GSKIP: variants seen among roughly 807,000 people sequenced by gnomAD.
The protein encoded by GSKIP is GSK3B interacting protein.
GSKIP carries 5 observed loss-of-function variants against 11.9 expected under a neutral mutation model. The observed-to-expected ratio is 0.42, with a 90% CI of 0.22 to 0.89. The LOEUF is 0.89. Among genes scored for constraint, GSKIP ranks in the 40% least tolerant of loss-of-function variants. The pLI is 0.29. For missense variants in GSKIP, 150 were observed against 166.6 expected, an observed-to-expected ratio of 0.90 and a Z score of 0.55; for synonymous variants, 70 against 62.9, an observed-to-expected ratio of 1.11 and a Z score of -0.54.
At chr14:96,367,248 G>C (rs1415148428) in intron 1 of GSKIP, among the ~76,000 whole-genome samples, 1 of 152,190 alleles carries the variant, frequency 6.6e-6, no homozygotes, top group Non-Finnish European at 1.5e-5. Context: ...TTAAAGAGGA[G>C]GAATGTGTGA....
At chr14:96,379,333 A>T (rs1889285130) in intron 1 of GSKIP, among the ~76,000 whole-genome samples, 1 of 152,162 alleles carries the variant, frequency 6.6e-6, no homozygotes, top group South Asian at 2.1e-4. Context: ...GAAGAATTTC[A>T]TGTATTAATT....
chr14:96,368,543 TTAATCAACAAAAGCACTGC>T (rs1427082058), intron 1 of GSKIP, among the ~76,000 whole-genome samples: 1 of 152,178 alleles, frequency 6.6e-6, no homozygotes, highest in Admixed American at 6.5e-5. Flanking sequence ...AGTTCCCTCC[TTAATCAACAAAAGCACTGC>T]TGTGGTTTGG....
At chr14:96,366,976 C>T (rs1888904203) in intron 1 of GSKIP, among the ~76,000 whole-genome samples, 1 of 152,126 alleles carries the variant, frequency 6.6e-6, no homozygotes, top group African/African-American at 2.4e-5. Flanking sequence ...TGTCAGGGCT[C>T]CACACCTCAC....
intron 1 of GSKIP, among the ~76,000 whole-genome samples, chr14:96,374,881 C>G (rs1889153275): frequency 6.6e-6 from 1 of 151,948 alleles, no homozygotes; most frequent in African/African-American, 2.4e-5. Flanking sequence ...AGATATAGAT[C>G]AGTACAAATG....
chr14:96,384,609 A>G (rs1353866254), intron 3 of GSKIP: 1 of 152,134 alleles, frequency 6.6e-6, no homozygotes, highest in African/African-American at 2.4e-5. Context: ...AGGAAAAAAA[A>G]AAAAAGAAAA....
At position 96,382,242 on chromosome 14, in the gene GSKIP, T is replaced by TC. The variant is rs762982351; in HGVS notation, c.-1-5_-1-4insC. The TC allele has an allele frequency of 3.3e-6, 5 of 1,526,144 alleles. No homozygotes were observed. In the Admixed American group the frequency reaches 8.9e-5, roughly 27 times the overall value. 94.5% of individuals were successfully genotyped at this position (1,526,144 alleles called of 1,614,324 possible). On this transcript the variant is annotated splice_polypyrimidine_tract_variant and splice_region_variant and intron_variant, in intron 2 of 3. Coordinates refer to ENST00000555181, the MANE Select transcript of GSKIP (RefSeq NM_016472.5). Reference sequence around the variant, plus strand: ...TTTTATAACTGCTTTTTTTTTTTTTTACAGAATGGAAACAGACTGTAATCC... The same window carrying TC: ...TTTTATAACTGCTTTTTTTTTTTTTTCACAGAATGGAAACAGACTGTAATCC...
chr14:96,366,963 C>T (rs1235940110), intron 1 of GSKIP, among the ~76,000 whole-genome samples: 3 of 152,108 alleles, frequency 2.0e-5, no homozygotes, highest in Non-Finnish European at 4.4e-5. Context: ...AACAGGACGA[C>T]GCTGTCAGGG....
intron 1 of GSKIP, among the ~76,000 whole-genome samples, chr14:96,366,127 C>T (rs528508552): frequency 6.6e-6 from 1 of 151,902 alleles, no homozygotes; most frequent in Admixed American, 6.6e-5. Context: ...AATAATAATT[C>T]TAATATTTGC....
At chr14:96,373,229 C>CAAAAAAAA (rs57931398) in intron 1 of GSKIP, among the ~76,000 whole-genome samples, 4 of 82,804 alleles carry the variant, frequency 4.8e-5, no homozygotes, top group Non-Finnish European at 6.5e-5. Flanking sequence ...GACTCTGTCT[C>CAAAAAAAA]AAAAAAAAAA....
chr14:96,382,547 T>G (rs771146622), intron 3 of GSKIP, 42 bp downstream of exon 3: 4 of 1,482,292 alleles, frequency 2.7e-6, no homozygotes, highest in Non-Finnish European at 2.8e-6. Context: ...TATTTATGTC[T>G]TTACCACTTT....
intron 1 of GSKIP, among the ~76,000 whole-genome samples, chr14:96,367,475 A>G (rs759615097): frequency 1.3e-5 from 2 of 152,202 alleles, no homozygotes; most frequent in Non-Finnish European, 2.9e-5. Context: ...GACTGTTAAC[A>G]ATGTCAACTG....
rs770816862 is a variant in GSKIP, at chr14:96,385,700, T to C, written c.*16T>C. 1.3e-6 allele frequency: 2 copies of C among 1,599,942 alleles called. No individual in the cohort carries two copies. Among genetic ancestry groups the C allele is most frequent in the Admixed American group, 3.4e-5 (2 of 58,364 alleles). ...ACAGTCATGACTACACTTTTTCCTT[T>C]CAGAGGGGCTGGTGCTGGTACAGAA... On this transcript the variant is annotated 3_prime_UTR_variant, in exon 4 of 4. Transcript: ENST00000555181.
At position 96,368,082 on chromosome 14, in the gene GSKIP, A is replaced by AT. The variant is rs199862090; in HGVS notation, c.-103+4529dup. 9.0e-3 allele frequency among the ~76,000 whole-genome samples: 1,267 copies of AT among 140,474 alleles called. 27 individuals carry two copies. Among genetic ancestry groups the AT allele is most frequent in the South Asian group, 0.072 (319 of 4,440 alleles). 92.2% of individuals were successfully genotyped at this position (140,474 alleles called of 152,430 possible). A position where few individuals can be genotyped will look rare whatever the true frequency, so the allele number is the denominator to read the frequency against. On this transcript the variant is annotated intron_variant, in intron 1 of 3. Coordinates refer to ENST00000555181, the MANE Select transcript of GSKIP (RefSeq NM_016472.5). ...GAAATAAGAAACTGTAATAACTGGA[A>AT]TTTTTTTTTTTTTTTACATTCCATT... is the stretch of plus-strand genomic sequence containing the variant.
chr14:96,375,736 A>AT (rs1325466534), intron 1 of GSKIP, among the ~76,000 whole-genome samples: 1 of 152,122 alleles, frequency 6.6e-6, no homozygotes, highest in African/African-American at 2.4e-5. Context: ...CCGGCTTGAA[A>AT]TTTATTTCTT....
Position 96,375,519 on chromosome 14 carries a change from C to T in GSKIP, c.-102-4169C>T, listed in dbSNP as rs10145002. Among the ~76,000 whole-genome samples, 749 of 151,798 alleles carry T rather than the reference C, an allele frequency of 4.9e-3. 12 individuals are homozygous for T. Among genetic ancestry groups the T allele is most frequent in the African/African-American group, 0.017 (689 of 41,376 alleles). ...CGCAATCTCGGCTCACTGCAACCTCCGCCTCCCAGGTTCAAGCGATTCTCC... is the reference window on the plus strand; with the variant it reads ...CGCAATCTCGGCTCACTGCAACCTCTGCCTCCCAGGTTCAAGCGATTCTCC... On this transcript the variant is annotated intron_variant, in intron 1 of 3. Coordinates refer to ENST00000555181, the MANE Select transcript of GSKIP (RefSeq NM_016472.5).
rs57931398 is a variant in GSKIP, at chr14:96,373,229, C to CAAA, written c.-102-6438_-102-6436dup. Among the ~76,000 whole-genome samples the CAAA allele has an allele frequency of 5.2e-3, 427 of 82,530 alleles. 2 individuals are homozygous for CAAA. Among genetic ancestry groups the CAAA allele is most frequent in the Middle Eastern group, 7.1e-3 (1 of 140 alleles). 54.1% of individuals were successfully genotyped at this position (82,530 alleles called of 152,430 possible). A position where few individuals can be genotyped will look rare whatever the true frequency, so the allele number is the denominator to read the frequency against. ...TGGGTGACAGAGCGAGACTCTGTCT[C>CAAA]AAAAAAAAAAAAAAAAAAAAAAAGA... On this transcript the variant is annotated intron_variant, in intron 1 of 3. Transcript: ENST00000555181.
chr14:96,382,251 G>A lies in GSKIP; in HGVS notation c.4G>A (p.Glu2Lys). The change falls in exon 3 of 4, where the codon GAA becomes AAA. Residue 2 changes from glutamate to lysine, a missense_variant. Coordinates refer to ENST00000555181, the MANE Select transcript of GSKIP (RefSeq NM_016472.5). ...TGCTTTTTTTTTTTTTTACAGAATG[G>A]AAACAGACTGTAATCCCATGGAGCT... is the stretch of plus-strand genomic sequence containing the variant. M[E>K]TDCNPMELSS... is the part of the protein sequence containing the mutation. 1.3e-6 allele frequency: 2 copies of A among 1,562,502 alleles called. No homozygotes were observed. The highest frequency in any genetic ancestry group is 1.7e-6 in the Non-Finnish European group (2 of 1,153,016).
At chr14:96,378,887 C>G (rs1387806513) in intron 1 of GSKIP, 1 of 152,248 alleles carries the variant, frequency 6.6e-6, no homozygotes, top group Non-Finnish European at 1.5e-5. Context: ...AGCATGGGCT[C>G]TGGCCACATT....
At chr14:96,383,748 A>G (rs1889412482) in intron 3 of GSKIP, among the ~76,000 whole-genome samples, 2 of 152,240 alleles carry the variant, frequency 1.3e-5, no homozygotes, top group African/African-American at 4.8e-5. Flanking sequence ...GCTGCTGCAA[A>G]GATAGCTGCT....
Sources: gnomAD v4.1 joint callset for allele counts (sites outside exome capture counted in the v4.1 genomes callset) on GRCh38, gnomAD v4.1.1 for gene constraint, MANE v1.5 for transcripts, NCBI Gene and HGNC (gene_info 2026-07-23, HGNC 2026-07-21) for gene names.